Variants in RANBP9 observed in about 807,000 individuals in gnomAD.
RANBP9 encodes RAN binding protein 9.
RANBP9 carries 15 observed loss-of-function variants against 84.3 expected under a neutral mutation model. The observed-to-expected ratio is 0.18, with a 90% CI of 0.12 to 0.27. The LOEUF (loss-of-function observed/expected upper bound fraction) is 0.27, where lower values mean the gene tolerates loss of function less well. Ranked by LOEUF, RANBP9 falls within the 10% of genes least tolerant of loss-of-function variation. RANBP9 has a pLI of 1.00. For synonymous variants in RANBP9, 392 were observed against 349.6 expected (o/e 1.12, Z -1.35); for missense variants, 809 against 912.8 (o/e 0.89, Z 1.46).
intron 1 of RANBP9, among the ~76,000 whole-genome samples, chr6:13,698,614 G>C (rs752289757): frequency 6.6e-6 from 1 of 152,114 alleles, no homozygotes; most frequent in Non-Finnish European, 1.5e-5. Context: ...TAGTGATAAA[G>C]TAATCCCAAA....
In RANBP9 at chr6:13,711,015, G is replaced by A. The variant is rs1459510355; in HGVS notation, c.491C>T (p.Pro164Leu). The change falls in exon 1 of 14, where the codon CCG (proline) becomes CTG (leucine). Residue 164 changes from proline to leucine, a missense_variant. Around this residue, in one of 5 missense-constraint regions of RANBP9, gnomAD observed 302 missense variants for 240.1 expected, o/e 1.26. Transcript: ENST00000011619. ...LYPAVDEQET[P>L]LPRSWSPKDK... Reference sequence around the variant, plus strand: ...CTTCGGGCTCCAGGACCGAGGCAGCGGCGTCTCTTGTTCGTCCACGGCCGG... The same window carrying A: ...CTTCGGGCTCCAGGACCGAGGCAGCAGCGTCTCTTGTTCGTCCACGGCCGG... The A allele has an allele frequency of 8.7e-6, 14 of 1,605,724 alleles. No individual in the cohort carries two copies. The highest frequency in any genetic ancestry group is 1.1e-5 in the South Asian group (1 of 89,752).
chr6:13,706,126 T>C (rs1306876175), intron 1 of RANBP9, among the ~76,000 whole-genome samples: 3 of 149,094 alleles, frequency 2.0e-5, no homozygotes, highest in African/African-American at 7.4e-5. Flanking sequence ...AGTGGATCAC[T>C]AGGTCAGCAG....
intron 4 of RANBP9, among the ~76,000 whole-genome samples, chr6:13,654,159 G>T (rs1463323772): frequency 6.6e-6 from 1 of 151,850 alleles, no homozygotes; most frequent in African/African-American, 2.4e-5. Flanking sequence ...AATTCCAAAG[G>T]TTAACATTTT....
At chr6:13,697,759 T>C (rs1249514903) in intron 1 of RANBP9, among the ~76,000 whole-genome samples, 3 of 152,170 alleles carry the variant, frequency 2.0e-5, no homozygotes, top group African/African-American at 7.2e-5. Flanking sequence ...TGAAGTAGCA[T>C]GTCAGAAAGT....
At chr6:13,651,439 G>A (rs1415408023) in intron 5 of RANBP9, among the ~76,000 whole-genome samples, 1 of 151,686 alleles carries the variant, frequency 6.6e-6, no homozygotes, top group Non-Finnish European at 1.5e-5. Flanking sequence ...CTGTCACCCA[G>A]GCTGGAGTGC....
At chr6:13,650,030 C>G (rs1765261235) in intron 5 of RANBP9, among the ~76,000 whole-genome samples, 1 of 152,072 alleles carries the variant, frequency 6.6e-6, no homozygotes, top group Admixed American at 6.6e-5. Flanking sequence ...AAAAATTTAA[C>G]TCTTTAATCC....
intron 2 of RANBP9, among the ~76,000 whole-genome samples, chr6:13,664,256 C>T (rs1046943212): frequency 6.6e-6 from 1 of 152,074 alleles, no homozygotes; most frequent in Non-Finnish European, 1.5e-5. Context: ...ATTCTATCTA[C>T]AACAGCATCA....
intron 2 of RANBP9, among the ~76,000 whole-genome samples, chr6:13,696,297 G>A (rs1005018165): frequency 1.3e-5 from 2 of 152,124 alleles, no homozygotes; most frequent in Non-Finnish European, 2.9e-5. Flanking sequence ...GCCCTACCAT[G>A]GAATTCTCAT....
intron 10 of RANBP9, among the ~76,000 whole-genome samples, chr6:13,636,895 A>G (rs1158902234): frequency 1.3e-5 from 2 of 152,206 alleles, no homozygotes; most frequent in South Asian, 2.1e-4. Context: ...CTGCAAAATC[A>G]TATTTCCATT....
chr6:13,681,525 G>T (rs1766037609), intron 2 of RANBP9, among the ~76,000 whole-genome samples: 1 of 151,762 alleles, frequency 6.6e-6, no homozygotes, highest in Non-Finnish European at 1.5e-5. Flanking sequence ...TTAAAAGGAG[G>T]GGACTATAGG....
intron 10 of RANBP9, among the ~76,000 whole-genome samples, chr6:13,636,093 T>C (rs1319000419): frequency 6.6e-6 from 1 of 152,124 alleles, no homozygotes; most frequent in Non-Finnish European, 1.5e-5. Context: ...GAACTTGAAT[T>C]TTCTCAGCCT....
chr6:13,702,691 CG>C (rs1364109276), intron 1 of RANBP9, among the ~76,000 whole-genome samples: 3 of 151,810 alleles, frequency 2.0e-5, no homozygotes, highest in Non-Finnish European at 4.4e-5. Context: ...CCAGGTAAAA[CG>C]TAACTCCACT....
chr6:13,642,303 A>G (rs1457750993), intron 7 of RANBP9, among the ~76,000 whole-genome samples, 176 bp downstream of exon 7: 1 of 152,206 alleles, frequency 6.6e-6, no homozygotes, highest in African/African-American at 2.4e-5. Context: ...ACATAGTCCT[A>G]TGTGAATTTT....
intron 12 of RANBP9, among the ~76,000 whole-genome samples, chr6:13,630,502 A>G (rs1764748031): frequency 6.8e-6 from 1 of 146,768 alleles, no homozygotes; most frequent in Non-Finnish European, 1.5e-5. Flanking sequence ...AGTGTAAAAA[A>G]AGTCTTAAGA....
chr6:13,645,661 G>A lies in RANBP9; in HGVS notation c.928-932C>T, dbSNP rs148227285. On this transcript the variant is annotated intron_variant, in intron 5 of 13. Transcript: ENST00000011619. ...GGTCGTTCTGCTAACAAATGGCAGA[G>A]ATGGAATTGGAACACAAGTTTGTCT... is the stretch of plus-strand genomic sequence containing the variant. 7.7e-3 allele frequency among the ~76,000 whole-genome samples: 1,166 copies of A among 152,314 alleles called. 11 individuals carry two copies. The highest frequency in any genetic ancestry group is 0.026 in the African/African-American group (1,092 of 41,564).
Position 13,710,930 on chromosome 6 carries a change from A to T in RANBP9, c.571+5T>A, listed in dbSNP as rs1187304975. The T allele has an allele frequency of 6.2e-7, 1 of 1,601,834 alleles. No homozygotes were observed. Among genetic ancestry groups the T allele is most frequent in the Middle Eastern group, 1.7e-4 (1 of 6,036 alleles). ...CACTCCCACCGCAGGACACACGCCCAGTACCTTTGTAGTGCACCCGCAGGT... is the reference window on the plus strand; with the variant it reads ...CACTCCCACCGCAGGACACACGCCCTGTACCTTTGTAGTGCACCCGCAGGT... On this transcript the variant is annotated splice_donor_5th_base_variant and intron_variant, in intron 1 of 13. Coordinates refer to ENST00000011619, the MANE Select transcript of RANBP9 (RefSeq NM_005493.3).
Position 13,622,463 on chromosome 6 carries a change from G to C in RANBP9, c.2089C>G (p.Leu697Val), listed in dbSNP as rs1447953355. The C allele has an allele frequency of 6.3e-7, 1 of 1,593,480 alleles. No homozygotes were observed. Reference sequence around the variant, plus strand: ...GTGGCCTGTCCCATTGCTAGGGCAAGTGGAGGTTGCTTTGGCAGATTGTGG... The same window carrying C: ...GTGGCCTGTCCCATTGCTAGGGCAACTGGAGGTTGCTTTGGCAGATTGTGG... The part of the protein sequence containing the change: ...ETHNLPKQPP[L>V]ALAMGQATQC... Residue 697 changes from leucine to valine, a missense_variant, in exon 14 of 14, where the codon CTT becomes GTT. Transcript: ENST00000011619.
At chr6:13,622,905 G>A (rs1764494192) in intron 13 of RANBP9, among the ~76,000 whole-genome samples, 1 of 152,164 alleles carries the variant, frequency 6.6e-6, no homozygotes, top group Non-Finnish European at 1.5e-5. Context: ...TTCCACTGAT[G>A]GGTTCTTCCA....
At chr6:13,644,803 T>A in intron 5 of RANBP9, 74 bp from the exon 6 acceptor site, 1 of 1,202,142 alleles carries the variant, frequency 8.3e-7, no homozygotes, top group Non-Finnish European at 1.1e-6. Context: ...ATGTTACATT[T>A]AAAAGAATAG....
Sources: gnomAD v4.1 joint callset for allele counts (sites outside exome capture counted in the v4.1 genomes callset) on GRCh38, gnomAD v4.1.1 for gene constraint, gnomAD v4.1.1 regional missense constraint, MANE v1.5 for transcripts, NCBI Gene and HGNC (gene_info 2026-07-23, HGNC 2026-07-21) for gene names.